The following RALGPS2 variants were observed in gnomAD, a reference collection of about 807,000 sequenced individuals.
The protein encoded by RALGPS2 is ras-specific guanine nucleotide-releasing factor RalGPS2.
A neutral mutation model predicts 86.8 loss-of-function variants in RALGPS2; 43 were observed. That is an observed-to-expected ratio of 0.50 (90% CI 0.39 to 0.64). The LOEUF (loss-of-function observed/expected upper bound fraction) is 0.64, where lower values mean the gene tolerates loss of function less well. Ranked by LOEUF, RALGPS2 falls within the 30% of genes least tolerant of loss-of-function variation. The pLI, the probability that RALGPS2 is intolerant of heterozygous loss-of-function variation, is 0.00. For synonymous variants in RALGPS2, 243 were observed against 231.3 expected (o/e 1.05, Z -0.46); for missense variants, 536 against 694.6 (o/e 0.77, Z 2.57).
At chr1:178,756,871 A>G (rs1430939120) in intron 1 of RALGPS2, among the ~76,000 whole-genome samples, 1 of 152,190 alleles carries the variant, frequency 6.6e-6, no homozygotes, top group Non-Finnish European at 1.5e-5. Flanking sequence ...TCATAGAATG[A>G]GTTTAGGGAG....
intron 11 of RALGPS2, among the ~76,000 whole-genome samples, chr1:178,884,013 T>G (rs1412394068): frequency 6.6e-6 from 1 of 152,100 alleles, no homozygotes; most frequent in African/African-American, 2.4e-5. Flanking sequence ...TTGCTATAGT[T>G]TGTCAGTAGT....
At chr1:178,748,273 T>G (rs1285022246) in intron 1 of RALGPS2, among the ~76,000 whole-genome samples, 1 of 151,472 alleles carries the variant, frequency 6.6e-6, no homozygotes, top group African/African-American at 2.4e-5. Context: ...TGAGCCAAGA[T>G]TGTGCCACTG....
intron 19 of RALGPS2, among the ~76,000 whole-genome samples, chr1:178,915,414 C>T (rs1660775434): frequency 1.3e-5 from 2 of 152,020 alleles, no homozygotes; most frequent in South Asian, 2.1e-4. Context: ...TTTGTATTTT[C>T]AGTAGAGATG....
intron 16 of RALGPS2, among the ~76,000 whole-genome samples, chr1:178,895,486 A>G (rs1015935341): frequency 3.9e-5 from 6 of 152,086 alleles, no homozygotes; most frequent in African/African-American, 1.4e-4. Context: ...ATAATGTCAT[A>G]GGATACAGAA....
At chr1:178,746,574 CTAGAGGGT>C in intron 1 of RALGPS2, 4 of 671,486 alleles carry the variant, frequency 6.0e-6, no homozygotes, top group Non-Finnish European at 8.3e-6. Context: ...GTGAGGCAAT[CTAGAGGGT>C]TAGCGAGCCT....
chr1:178,906,913 A>G (rs928117048), intron 19 of RALGPS2, 46 bp downstream of exon 19: 9 of 1,549,162 alleles, frequency 5.8e-6, no homozygotes, highest in African/African-American at 1.4e-5. Context: ...ATTTGGGAAC[A>G]TATGTAAAAG....
chr1:178,809,478 T>C (rs937157237), intron 5 of RALGPS2, among the ~76,000 whole-genome samples: 1 of 152,156 alleles, frequency 6.6e-6, no homozygotes, highest in African/African-American at 2.4e-5. Context: ...TATTTGTTTT[T>C]GATCTCTAGA....
At chr1:178,848,194 C>A (rs998757857) in intron 8 of RALGPS2, among the ~76,000 whole-genome samples, 1 of 151,970 alleles carries the variant, frequency 6.6e-6, no homozygotes, top group African/African-American at 2.4e-5. Context: ...ACCTGTAGTC[C>A]CAGCTACTCA....
Position 178,856,394 on chromosome 1 carries a change from A to ATTTTTTTTTTTTTTTTTTTTTTTTT in RALGPS2, c.608-21096_608-21072dup, listed in dbSNP as rs71108081. ...AGGCAAGTGCCACCCTGCCTGGCTA[A>ATTTTTTTTTTTTTTTTTTTTTTTTT]TTTTTTTTTTTTTTTTTTTTTTTTT... On this transcript the variant is annotated intron_variant, in intron 8 of 19. Transcript: ENST00000367635. Among the ~76,000 whole-genome samples the ATTTTTTTTTTTTTTTTTTTTTTTTT allele has an allele frequency of 5.5e-5, 2 of 36,430 alleles. 1 individual carries two copies. The highest frequency in any genetic ancestry group is 9.5e-5 in the Non-Finnish European group (2 of 21,130). The allele number at this position is 36,430 out of a possible 152,430, so 23.9% of individuals were successfully genotyped here.
In RALGPS2 at chr1:178,821,673, C is replaced by T. The variant is rs1193843751; in HGVS notation, c.449C>T (p.Ala150Val). Reference sequence around the variant, plus strand: ...GCAGTGGTTTCTGGCCTACAGAGTGCCCCAATTTTCAGGTTGACTAAAACA... The same window carrying T: ...GCAGTGGTTTCTGGCCTACAGAGTGTCCCAATTTTCAGGTTGACTAAAACA... ...LMAVVSGLQS[A>V]PIFRLTKTWA... is the part of the protein sequence containing the mutation. Residue 150 changes from alanine (A) to valine (V), a missense_variant, in exon 7 of 20, where the codon GCC (alanine) becomes GTC (valine). By Grantham distance (64) the Ala-to-Val change is moderately conservative. Transcript: ENST00000367635. 9.9e-6 allele frequency: 16 copies of T among 1,612,916 alleles called. No individual in the cohort carries two copies. The highest frequency in any genetic ancestry group is 1.4e-5 in the Non-Finnish European group (16 of 1,179,434).
At chr1:178,742,888 TC>T (rs1651112681) in intron 1 of RALGPS2, among the ~76,000 whole-genome samples, 1 of 152,238 alleles carries the variant, frequency 6.6e-6, no homozygotes, top group African/African-American at 2.4e-5. Flanking sequence ...AATTATAAAG[TC>T]TTTTGAACTG....
chr1:178,737,930 A>G (rs745624317), intron 1 of RALGPS2, among the ~76,000 whole-genome samples: 2 of 151,792 alleles, frequency 1.3e-5, no homozygotes, highest in Non-Finnish European at 1.5e-5. Context: ...GGTGCACACC[A>G]CCACCCCTGG....
chr1:178,807,736 T>C (rs1326207078), intron 4 of RALGPS2, among the ~76,000 whole-genome samples: 1 of 152,176 alleles, frequency 6.6e-6, no homozygotes, highest in Non-Finnish European at 1.5e-5. Context: ...CTGTATGTTG[T>C]GGGATGCTCA....
chr1:178,910,614 A>G (rs900971165), intron 19 of RALGPS2, among the ~76,000 whole-genome samples: 2 of 152,188 alleles, frequency 1.3e-5, no homozygotes, highest in African/African-American at 4.8e-5. Flanking sequence ...AATAAAGTCT[A>G]CTTGATTGTG....
intron 8 of RALGPS2, among the ~76,000 whole-genome samples, chr1:178,844,450 A>T (rs1042935073): frequency 6.6e-6 from 1 of 152,214 alleles, no homozygotes; most frequent in Non-Finnish European, 1.5e-5. Flanking sequence ...TGTGGATTAA[A>T]TTATAAGAAG....
At chr1:178,853,053 C>T in intron 8 of RALGPS2, 2 of 1,475,094 alleles carry the variant, frequency 1.4e-6, no homozygotes, top group Non-Finnish European at 1.8e-6. Flanking sequence ...AAGATACTGG[C>T]CATTTAAGTG....
intron 8 of RALGPS2, among the ~76,000 whole-genome samples, chr1:178,838,649 AC>A (rs1450552537): frequency 2.0e-5 from 3 of 152,222 alleles, no homozygotes; most frequent in African/African-American, 7.2e-5. Context: ...CAGCAACAGA[AC>A]AAAGCTGGAT....
intron 8 of RALGPS2, among the ~76,000 whole-genome samples, chr1:178,838,500 C>G (rs1049778857): frequency 5.3e-5 from 8 of 152,128 alleles, no homozygotes. Context: ...AAAGGACATC[C>G]ACACCAAAAC....
Position 178,861,260 on chromosome 1 carries a change from A to C in RALGPS2, c.608-16238A>C, listed in dbSNP as rs78038423. On this transcript the variant is annotated intron_variant, in intron 8 of 19. Coordinates refer to ENST00000367635, the MANE Select transcript of RALGPS2 (RefSeq NM_152663.5). ...GAGATCCACATTTATAGAATAAAAT[A>C]AGTAAAAAGTTAATGTTTACATAAA... 3.1e-3 allele frequency among the ~76,000 whole-genome samples: 467 copies of C among 152,346 alleles called. 4 individuals carry two copies. The highest frequency in any genetic ancestry group is 0.01 in the African/African-American group (433 of 41,584).
Sources: allele counts gnomAD v4.1 joint callset (sites outside exome capture counted in the v4.1 genomes callset), GRCh38; gene constraint gnomAD v4.1.1; transcripts MANE v1.5; gene names NCBI Gene and HGNC (gene_info 2026-07-23, HGNC 2026-07-21).